The following RAB31 variants were observed in gnomAD, a reference collection of about 807,000 sequenced individuals.
RAB31 encodes RAB31, member RAS oncogene family, also known as ras-related protein Rab-31.
In RAB31, 21 loss-of-function variants were observed where a neutral mutation model predicts 25.6. The ratio of observed to expected loss-of-function variants is 0.82; its 90% CI spans 0.58 to 1.18. RAB31 has a LOEUF of 1.18. RAB31 is among the 50% of genes most tolerant of loss of function. The pLI, the probability that RAB31 is intolerant of heterozygous loss-of-function variation, is 0.00. For synonymous variants in RAB31, 87 were observed against 84.0 expected (o/e 1.04, Z -0.20); for missense variants, 196 against 250.1 (o/e 0.78, Z 1.46).
intron 2 of RAB31, among the ~76,000 whole-genome samples, chr18:9,779,027 T>G (rs1014213458): frequency 5.9e-5 from 9 of 152,152 alleles, no homozygotes; most frequent in African/African-American, 2.2e-4. Context: ...TCACATTGAG[T>G]AGGCTGAGGA....
chr18:9,785,826 C>T (rs937060552), intron 2 of RAB31, among the ~76,000 whole-genome samples: 2 of 152,120 alleles, frequency 1.3e-5, no homozygotes, highest in Non-Finnish European at 2.9e-5. Context: ...TTTGGGAGGC[C>T]GAGGTGGGTG....
rs2068318763 is a variant in RAB31 at position 9,766,824 on chromosome 18, G to A, written c.40-8454G>A. Among the ~76,000 whole-genome samples, 1 of 152,128 alleles carries A rather than the reference G, an allele frequency of 6.6e-6. No individual in the cohort carries two copies. The highest frequency in any genetic ancestry group is 2.4e-5 in the African/African-American group (1 of 41,414). On this transcript the variant is annotated intron_variant, in intron 1 of 6. Transcript: ENST00000578921. This position sits in a 1 kb window ranked among gnomAD's most constrained non-coding sequence, Gnocchi z 4.3. ...AATAAAAAATTAGCCTAGCATGGTGGTGTGCACCTGTAGTCTTAGCTACTT... is the reference window on the plus strand; with the variant it reads ...AATAAAAAATTAGCCTAGCATGGTGATGTGCACCTGTAGTCTTAGCTACTT...
intron 1 of RAB31, among the ~76,000 whole-genome samples, chr18:9,746,349 C>T (rs926654408): frequency 2.0e-5 from 3 of 151,314 alleles, no homozygotes; most frequent in Non-Finnish European, 2.9e-5. Flanking sequence ...CTACCCAAAG[C>T]GATCAACAGA....
intron 3 of RAB31, among the ~76,000 whole-genome samples, chr18:9,806,886 A>G (rs2267563): frequency 0.15 from 22,871 of 152,206 alleles, 1,776 homozygotes; most frequent in East Asian, 0.27. Flanking sequence ...TCTTGTGGAT[A>G]TGCTTGAAAA....
intron 1 of RAB31, among the ~76,000 whole-genome samples, chr18:9,749,546 C>T (rs1476918883): frequency 1.3e-5 from 2 of 152,268 alleles, no homozygotes; most frequent in Middle Eastern, 3.4e-3. Flanking sequence ...TTTTCTGGTC[C>T]AGTTCCCTAA....
intron 5 of RAB31, among the ~76,000 whole-genome samples, chr18:9,817,049 C>T (rs906654160): frequency 1.3e-5 from 2 of 152,042 alleles, no homozygotes; most frequent in African/African-American, 4.8e-5. Flanking sequence ...GGGATTTGGA[C>T]AAATCTTCAA....
At chr18:9,832,027 G>A (rs1334595543) in intron 5 of RAB31, among the ~76,000 whole-genome samples, 2 of 152,200 alleles carry the variant, frequency 1.3e-5, no homozygotes, top group African/African-American at 4.8e-5. Context: ...GGCAGTGCTA[G>A]TGATGGACAG....
intron 1 of RAB31, among the ~76,000 whole-genome samples, chr18:9,733,142 T>G (rs555244780): frequency 6.6e-6 from 1 of 152,346 alleles, no homozygotes; most frequent in South Asian, 2.1e-4. Context: ...TTTTTCCACT[T>G]TGGTTTGAGT....
intron 6 of RAB31, among the ~76,000 whole-genome samples, chr18:9,850,227 G>A (rs530379041): frequency 5.8e-4 from 88 of 152,290 alleles, no homozygotes; most frequent in African/African-American, 2.1e-3. Context: ...GCTGGATTTG[G>A]TTATGAGCCT....
intron 1 of RAB31, among the ~76,000 whole-genome samples, chr18:9,710,319 G>A (rs1248593818): frequency 2.6e-5 from 4 of 152,206 alleles, no homozygotes; most frequent in Non-Finnish European, 5.9e-5. Flanking sequence ...TAAGATACAT[G>A]TTACCATTTC....
chr18:9,826,579 A>G (rs912200736), intron 5 of RAB31, among the ~76,000 whole-genome samples: 6 of 152,178 alleles, frequency 3.9e-5, no homozygotes, highest in Admixed American at 6.5e-5. Flanking sequence ...AGGCTACCCT[A>G]TTTAGCTTGG....
At chr18:9,771,312 G>A (rs867741014) in intron 1 of RAB31, among the ~76,000 whole-genome samples, 2 of 152,188 alleles carry the variant, frequency 1.3e-5, no homozygotes, top group South Asian at 2.1e-4. Flanking sequence ...AAGTCACACT[G>A]TTTCCTCTTT....
intron 2 of RAB31, among the ~76,000 whole-genome samples, chr18:9,789,894 TCTAA>T (rs1397103348): frequency 7.9e-5 from 12 of 152,240 alleles, no homozygotes; most frequent in Admixed American, 1.3e-4. Flanking sequence ...ATTAGAACTC[TCTAA>T]CTATTATTAG....
chr18:9,756,041 T>A (rs2068258801), intron 1 of RAB31, among the ~76,000 whole-genome samples: 1 of 152,254 alleles, frequency 6.6e-6, no homozygotes, highest in Admixed American at 6.5e-5. Flanking sequence ...TTTATTTATA[T>A]TTTGTAATGT....
chr18:9,742,904 A>T (rs572642332), intron 1 of RAB31, among the ~76,000 whole-genome samples: 57 of 152,182 alleles, frequency 3.7e-4, no homozygotes, highest in Middle Eastern at 3.4e-3. Flanking sequence ...TCTTCTTTTT[A>T]AAAAAAATCC....
At chr18:9,778,555 C>T (rs2068385495) in intron 2 of RAB31, among the ~76,000 whole-genome samples, 1 of 152,178 alleles carries the variant, frequency 6.6e-6, no homozygotes, top group South Asian at 2.1e-4. Context: ...ACTGCAACCT[C>T]CGCCTCCTGA....
intron 5 of RAB31, among the ~76,000 whole-genome samples, chr18:9,830,804 A>G (rs1284923744): frequency 2.0e-5 from 3 of 152,202 alleles, no homozygotes; most frequent in African/African-American, 4.8e-5. Flanking sequence ...TACTCCCCCA[A>G]TATTAACTAT....
At chr18:9,736,367 C>T (rs1307300447) in intron 1 of RAB31, among the ~76,000 whole-genome samples, 2 of 152,186 alleles carry the variant, frequency 1.3e-5, no homozygotes, top group African/African-American at 4.8e-5. Context: ...TGATCTTATT[C>T]CCTGTCCAGA....
rs2068464106 is a variant in RAB31, at chr18:9,792,208, C to T, written c.174C>T (p.Leu58=). ...VPCGNELHKF[L]IWDTAGQERF... is the part of the protein sequence containing the mutation. Reference sequence around the variant, plus strand: ...GTGGAAATGAACTTCACAAGTTCCTCATCTGGGACACTGCTGGTCAGGAAC... The same window carrying T: ...GTGGAAATGAACTTCACAAGTTCCTTATCTGGGACACTGCTGGTCAGGAAC... The change falls in exon 3 of 7, where the codon CTC becomes CTT. Residue 58 remains leucine (L), a synonymous_variant. Transcript: ENST00000578921. The T allele has an allele frequency of 1.2e-6, 2 of 1,612,352 alleles. No individual in the cohort carries two copies. The highest frequency in any genetic ancestry group is 1.3e-5 in the African/African-American group (1 of 74,904).
Sources: allele counts gnomAD v4.1 joint callset (sites outside exome capture counted in the v4.1 genomes callset), GRCh38; gene constraint gnomAD v4.1.1; non-coding constraint Gnocchi (gnomAD v3.1); transcripts MANE v1.5; gene names NCBI Gene and HGNC (gene_info 2026-07-23, HGNC 2026-07-21).